Variants in COL11A2 observed in about 807,000 individuals in gnomAD.
The protein encoded by COL11A2 is collagen alpha-2(XI) chain.
COL11A2 carries 116 observed loss-of-function variants against 273.4 expected under a neutral mutation model. That is an observed-to-expected ratio of 0.42 (90% CI 0.36 to 0.49). The LOEUF is 0.49. Ranked by LOEUF, COL11A2 falls within the 20% of genes least tolerant of loss-of-function variation. The pLI, the probability that COL11A2 is intolerant of heterozygous loss-of-function variation, is 0.00. For missense variants in COL11A2, 1,866 were observed against 2,309.0 expected (o/e 0.81, Z 3.93); for synonymous variants, 782 against 864.2 (o/e 0.90, Z 1.67).
chr6:33,176,744 G>C lies in COL11A2; in HGVS notation c.2092C>G (p.Pro698Ala). Residue 698 changes from proline to alanine, a missense_variant, in exon 26 of 66, where the codon CCC becomes GCC. By Grantham distance (27) the Pro-to-Ala change is conservative (BLOSUM62 -1). Coordinates refer to ENST00000341947, the MANE Select transcript of COL11A2 (RefSeq NM_080680.3). The surrounding 1 kb of genome is among the most constrained non-coding windows in gnomAD (Gnocchi z 4.9). ...GPPGHPGKEG[P>A]PGTKGNQGPS... ...ACCTGGTTTCCTTTGGTTCCAGGGG[G>C]ACCTTCCTTCCCTGGGTGACCCTGG... 1.2e-6 allele frequency: 2 copies of C among 1,613,264 alleles called. No homozygotes were observed. The highest frequency in any genetic ancestry group is 1.7e-6 in the Non-Finnish European group (2 of 1,179,708).
rs553386615 is a variant in COL11A2 at position 33,178,137 on chromosome 6, G to A, written c.1867C>T (p.Pro623Ser). ...GPKGPPGIPGPPGVRGMDGPQ... is the reference protein window; with the variant it reads ...GPKGPPGIPGSPGVRGMDGPQ... ...GAAGTCAGGGAGTCACTTACAGGGG[G>A]TCCAGGAATACCAGGTGGGCCTTTG... is the stretch of plus-strand genomic sequence containing the variant. Residue 623 changes from proline (P) to serine (S), a missense_variant, in exon 21 of 66, where the codon CCC becomes TCC. Coordinates refer to ENST00000341947, the MANE Select transcript of COL11A2 (RefSeq NM_080680.3). This position sits in a 1 kb window ranked among gnomAD's most constrained non-coding sequence, Gnocchi z 4.6. The A allele has an allele frequency of 2.5e-6, 4 of 1,609,322 alleles. No homozygotes were observed. The highest frequency in any genetic ancestry group is 1.1e-5 in the South Asian group (1 of 90,660).
Position 33,170,963 on chromosome 6 carries a change from A to T in COL11A2, c.3367-46T>A. ...AGAGACAAGGACACAGGGATGGGTCATGGGTCAGGTGTTCTCTATCCACAA... is the reference window on the plus strand; with the variant it reads ...AGAGACAAGGACACAGGGATGGGTCTTGGGTCAGGTGTTCTCTATCCACAA... On this transcript the variant is annotated intron_variant, in intron 45 of 65. Transcript: ENST00000341947. This position sits in a 1 kb window ranked among gnomAD's most constrained non-coding sequence, Gnocchi z 4.3. The T allele has an allele frequency of 6.6e-7, 1 of 1,518,242 alleles. No individual in the cohort carries two copies. Among genetic ancestry groups the T allele is most frequent in the Non-Finnish European group, 8.8e-7 (1 of 1,138,416 alleles). The allele number at this position is 1,518,242 out of a possible 1,614,324, so 94.0% of individuals were successfully genotyped here.
upstream of COL11A2, among the ~76,000 whole-genome samples, chr6:33,193,307 C>G (rs1422263495): frequency 6.6e-6 from 1 of 151,908 alleles, no homozygotes; most frequent in African/African-American, 2.4e-5. Flanking sequence ...CGCAGCGAGC[C>G]GAGGCGCCGC....
intron 6 of COL11A2, among the ~76,000 whole-genome samples, chr6:33,185,411 C>T (rs947748650): frequency 1.3e-5 from 2 of 152,236 alleles, no homozygotes; most frequent in South Asian, 2.1e-4. Flanking sequence ...TGGAGAGGGC[C>T]TCCGGCCTGG....
Position 33,189,427 on chromosome 6 carries a change from G to C in COL11A2, c.125C>G (p.Ser42Cys), listed in dbSNP as rs2150625417. Residue 42 changes from serine (S) to cysteine (C), a missense_variant, in exon 2 of 66, where the codon TCC becomes TGC. Transcript: ENST00000341947. The surrounding 1 kb of genome is among the most constrained non-coding windows in gnomAD (Gnocchi z 5.6). ...VDVLRALRFP[S>C]LPDGVRRAKG... ...CGCTCTCCGGACACCATCAGGGAGG[G>C]AGGGGAACCTCAGGGCCCGGAGCAC... is the stretch of plus-strand genomic sequence containing the variant. The C allele has an allele frequency of 6.2e-7, 1 of 1,613,128 alleles. No homozygotes were observed. The highest frequency in any genetic ancestry group is 8.5e-7 in the Non-Finnish European group (1 of 1,180,030).
Position 33,174,030 on chromosome 6 carries a change from C to T in COL11A2, c.2510G>A (p.Arg837Gln), listed in dbSNP as rs773908748. Reference sequence around the variant, plus strand: ...ACTCACCGTGGGGCCCCGTTCTCCCCGAGGCCCTGACTTCCCCGACAGGCC... The same window carrying T: ...ACTCACCGTGGGGCCCCGTTCTCCCTGAGGCCCTGACTTCCCCGACAGGCC... ...ARGLSGKSGP[R>Q]GERGPTGPRG... Residue 837 changes from arginine (R) to glutamine (Q), a missense_variant, in exon 33 of 66, where the codon CGG becomes CAG. Coordinates refer to ENST00000341947, the MANE Select transcript of COL11A2 (RefSeq NM_080680.3). The T allele has an allele frequency of 5.0e-6, 8 of 1,613,882 alleles. No homozygotes were observed. The highest frequency in any genetic ancestry group is 2.2e-5 in the East Asian group (1 of 44,878).
intron 8 of COL11A2, among the ~76,000 whole-genome samples, chr6:33,183,358 C>T (rs776450012): frequency 2.6e-5 from 4 of 152,074 alleles, no homozygotes; most frequent in Admixed American, 6.5e-5. Flanking sequence ...ACATGGCTAC[C>T]GTGACCCAGA....
Position 33,170,777 on chromosome 6 carries a change from A to G in COL11A2, c.3474+33T>C. On this transcript the variant is annotated intron_variant, in intron 46 of 65. Transcript: ENST00000341947. The surrounding 1 kb of genome is among the most constrained non-coding windows in gnomAD (Gnocchi z 4.3). ...CAAAACATCACCCCATCCTGACCCC[A>G]CCTCTCAGCCCCTGTCCTATCCCCC... The G allele has an allele frequency of 6.2e-7, 1 of 1,605,734 alleles. No homozygotes were observed. Among genetic ancestry groups the G allele is most frequent in the Non-Finnish European group, 8.5e-7 (1 of 1,174,790 alleles).
chr6:33,186,620 C>G lies in COL11A2; in HGVS notation c.798+7G>C. On this transcript the variant is annotated splice_region_variant and intron_variant, in intron 5 of 65. Coordinates refer to ENST00000341947, the MANE Select transcript of COL11A2 (RefSeq NM_080680.3). ...GCTGCACTTGGGGGTTCTCCCAGCT[C>G]CCTCACCTGGCTCTGGGGTTCCTGA... The G allele has an allele frequency of 6.2e-7, 1 of 1,614,112 alleles. No homozygotes were observed.
chr6:33,183,302 G>A (rs995391947), intron 8 of COL11A2, among the ~76,000 whole-genome samples: 1 of 152,164 alleles, frequency 6.6e-6, no homozygotes, highest in Non-Finnish European at 1.5e-5. Flanking sequence ...GAACAGACAG[G>A]AAGCAGTGAA....
At position 33,170,699 on chromosome 6, in the gene COL11A2, A is replaced by C. The variant is rs1423120763; in HGVS notation, c.3475-89T>G. ...ATAGGCCCCACAGTCCCCTCCCCTC[A>C]GACTCCGCAGGCCCTCCAGTCTGCA... On this transcript the variant is annotated intron_variant, in intron 46 of 65. Transcript: ENST00000341947. The surrounding 1 kb of genome is among the most constrained non-coding windows in gnomAD (Gnocchi z 4.3). The C allele has an allele frequency of 1.1e-5, 17 of 1,588,992 alleles. No individual in the cohort carries two copies. Among genetic ancestry groups the C allele is most frequent in the Non-Finnish European group, 1.4e-5 (16 of 1,158,592 alleles).
Position 33,188,987 on chromosome 6 carries a change from G to C in COL11A2, c.434C>G (p.Ala145Gly), listed in dbSNP as rs138305560. ...GAGCAAACAAACTTACTTGCCATCT[G>C]CTAGGCTGAGGCCTCGGAAGACTGG... ...SQPVFRGLSL[A>G]DGKWHRVAVA... The change falls in exon 3 of 66, where the codon GCA (alanine) becomes GGA (glycine). Residue 145 changes from alanine to glycine, a missense_variant. Physicochemically the swap from Ala to Gly is moderately conservative, Grantham distance 60. Coordinates refer to ENST00000341947, the MANE Select transcript of COL11A2 (RefSeq NM_080680.3). The C allele has an allele frequency of 4.0e-5, 65 of 1,614,062 alleles. No homozygotes were observed. In the African/African-American group the frequency reaches 7.9e-4, roughly 20 times the overall value.
rs1440986159 is a variant in COL11A2 at position 33,179,179 on chromosome 6, G to A, written c.1557+52C>T. ...TAGGAGGCATAGGGAGGGGAGTGAG[G>A]GAGACTGAGCTGGTGAACAGATATG... On this transcript the variant is annotated intron_variant, in intron 15 of 65. Transcript: ENST00000341947. This position sits in a 1 kb window ranked among gnomAD's most constrained non-coding sequence, Gnocchi z 6.4. The A allele has an allele frequency of 1.2e-6, 2 of 1,611,664 alleles. No individual in the cohort carries two copies. Among genetic ancestry groups the A allele is most frequent in the Non-Finnish European group, 1.7e-6 (2 of 1,179,036 alleles).
In COL11A2 at chr6:33,173,193, G is replaced by T; in HGVS notation, c.2737-80C>A. The T allele has an allele frequency of 6.4e-7, 1 of 1,553,394 alleles. No homozygotes were observed. Among genetic ancestry groups the T allele is most frequent in the Non-Finnish European group, 8.8e-7 (1 of 1,139,072 alleles). On this transcript the variant is annotated intron_variant, in intron 37 of 65. Transcript: ENST00000341947. This position sits in a 1 kb window ranked among gnomAD's most constrained non-coding sequence, Gnocchi z 6.3. The stretch of plus-strand genomic sequence containing the variant: ...AGATTCCCAGGAGGAAGGATCCCAG[G>T]CAGGATCACACCAAGCCCTGGGCCC...
Position 33,169,737 on chromosome 6 carries a change from G to A in COL11A2, c.3690+94C>T. The stretch of plus-strand genomic sequence containing the variant: ...AGGGAGCAGAGACTCTTGCTGCAGA[G>A]GAGTTCCAGCTCAAGGAGGTCACAG... On this transcript the variant is annotated intron_variant, in intron 50 of 65. Coordinates refer to ENST00000341947, the MANE Select transcript of COL11A2 (RefSeq NM_080680.3). The surrounding 1 kb of genome is among the most constrained non-coding windows in gnomAD (Gnocchi z 5.5). 2 of 1,463,856 alleles carry A rather than the reference G, an allele frequency of 1.4e-6. No homozygotes were observed. The highest frequency in any genetic ancestry group is 9.6e-7 in the Non-Finnish European group (1 of 1,042,954). The allele number at this position is 1,463,856 out of a possible 1,614,324, so 90.7% of individuals were successfully genotyped here.
chr6:33,189,805 C>T lies in COL11A2; in HGVS notation c.83-336G>A, dbSNP rs1330658399. ...CTTCTCTCAACTCTTCATCTGTCTC[C>T]TGTCTCTCTCACTCTCTTACTCTCT... On this transcript the variant is annotated intron_variant, in intron 1 of 65. Transcript: ENST00000341947. The surrounding 1 kb of genome is among the most constrained non-coding windows in gnomAD (Gnocchi z 5.6). 6.6e-6 allele frequency among the ~76,000 whole-genome samples: 1 copy of T among 152,116 alleles called. No individual in the cohort carries two copies. Among genetic ancestry groups the T allele is most frequent in the African/African-American group, 2.4e-5 (1 of 41,404 alleles).
rs1768647033 is a variant in COL11A2, at chr6:33,163,610, A to C, written c.*68T>G. 1.2e-6 allele frequency: 2 copies of C among 1,611,222 alleles called. No individual in the cohort carries two copies. Among genetic ancestry groups the C allele is most frequent in the Non-Finnish European group, 1.7e-6 (2 of 1,178,556 alleles). On this transcript the variant is annotated 3_prime_UTR_variant, in exon 66 of 66. Coordinates refer to ENST00000341947, the MANE Select transcript of COL11A2 (RefSeq NM_080680.3). This position sits in a 1 kb window ranked among gnomAD's most constrained non-coding sequence, Gnocchi z 4.1. ...GTGAGGAGCCCTCTTGGGAGGTGGCACAGAGCTGATGTTGTGGGATTCCAG... is the reference window on the plus strand; with the variant it reads ...GTGAGGAGCCCTCTTGGGAGGTGGCCCAGAGCTGATGTTGTGGGATTCCAG...
rs763299239 is a variant in COL11A2, at chr6:33,173,997, TC to T, written c.2529+13del. 29 of 1,613,862 alleles carry T rather than the reference TC, an allele frequency of 1.8e-5. No individual in the cohort carries two copies. In the East Asian group the frequency reaches 6.0e-4, roughly 34 times the overall value. ...CTGGACCTTGAGCCACCTGTTTCTC[TC>T]CCCTGCACTCACCGTGGGGCCCCGT... On this transcript the variant is annotated intron_variant, in intron 33 of 65. Coordinates refer to ENST00000341947, the MANE Select transcript of COL11A2 (RefSeq NM_080680.3). This position sits in a 1 kb window ranked among gnomAD's most constrained non-coding sequence, Gnocchi z 6.3.
chr6:33,173,756 A>C lies in COL11A2; in HGVS notation c.2584-11T>G. The C allele has an allele frequency of 6.3e-7, 1 of 1,597,034 alleles. No individual in the cohort carries two copies. The highest frequency in any genetic ancestry group is 1.3e-5 in the African/African-American group (1 of 74,494). The stretch of plus-strand genomic sequence containing the variant: ...ACCACCAGATGTTCCCTGTGGGGGG[A>C]AACAGAGTCAAGGAGTGGGAAGAGC... On this transcript the variant is annotated splice_polypyrimidine_tract_variant and intron_variant, in intron 34 of 65. Transcript: ENST00000341947. The surrounding 1 kb of genome is among the most constrained non-coding windows in gnomAD (Gnocchi z 6.3).
Sources: gnomAD v4.1 joint callset for allele counts (sites outside exome capture counted in the v4.1 genomes callset) on GRCh38, gnomAD v4.1.1 for gene constraint, Gnocchi (gnomAD v3.1) non-coding constraint, MANE v1.5 for transcripts, NCBI Gene and HGNC (gene_info 2026-07-23, HGNC 2026-07-21) for gene names.